The following PTPRJ variants were observed in gnomAD, a reference collection of about 807,000 sequenced individuals.
PTPRJ encodes receptor-type tyrosine-protein phosphatase eta.
A neutral mutation model predicts 141.3 loss-of-function variants in PTPRJ; 129 were observed. The ratio of observed to expected loss-of-function variants is 0.91; its 90% confidence interval spans 0.79 to 1.06. The LOEUF (loss-of-function observed/expected upper bound fraction) is 1.06. PTPRJ is among the 50% of genes least tolerant of loss of function. The probability of loss-of-function intolerance (pLI) is 0.00; values close to 1 mark genes in which losing one functional copy is unlikely to be tolerated. For missense variants in PTPRJ, 1,601 were observed against 1,679.7 expected (o/e 0.95, Z 0.82); for synonymous variants, 610 against 640.5 (o/e 0.95, Z 0.72).
intron 1 of PTPRJ, among the ~76,000 whole-genome samples, chr11:47,983,661 T>C (rs975385729): frequency 5.3e-5 from 8 of 152,246 alleles, no homozygotes; most frequent in African/African-American, 1.4e-4. Flanking sequence ...CCCATTCTCA[T>C]AGCAGTTTTG....
In PTPRJ at chr11:48,088,760, C is replaced by G. The variant is rs139346888; in HGVS notation, c.97-21298C>G. 2.7e-3 allele frequency among the ~76,000 whole-genome samples: 406 copies of G among 152,152 alleles called. 1 individual carries two copies. The highest frequency in any genetic ancestry group is 9.2e-3 in the African/African-American group (380 of 41,502). Reference sequence around the variant, plus strand: ...TTCTGCAGGACGGATGAACTAGGTACCCAGGACAGGTCTGTTTGTGCACAA... The same window carrying G: ...TTCTGCAGGACGGATGAACTAGGTAGCCAGGACAGGTCTGTTTGTGCACAA... On this transcript the variant is annotated intron_variant, in intron 1 of 24. Transcript: ENST00000418331.
intron 1 of PTPRJ, among the ~76,000 whole-genome samples, chr11:47,982,701 T>G (rs1163790855): frequency 6.6e-6 from 1 of 151,264 alleles, no homozygotes; most frequent in African/African-American, 2.4e-5. Context: ...TATATAAAAT[T>G]TATTTATTTT....
chr11:48,011,020 G>A (rs1854769726), intron 1 of PTPRJ, among the ~76,000 whole-genome samples: 1 of 152,042 alleles, frequency 6.6e-6, no homozygotes, highest in Non-Finnish European at 1.5e-5. Flanking sequence ...TGAGCAGGGT[G>A]GGTGCACTGT....
At position 48,123,610 on chromosome 11, in the gene PTPRJ, T is replaced by C. The variant is rs746102589; in HGVS notation, c.617-3T>C. ...ATTAATGCATGTTGTATTTTTAAAATAGAGCCGATCCCAGTTTCTGATCTC... is the reference window on the plus strand; with the variant it reads ...ATTAATGCATGTTGTATTTTTAAAACAGAGCCGATCCCAGTTTCTGATCTC... On this transcript the variant is annotated splice_polypyrimidine_tract_variant and splice_region_variant and intron_variant, in intron 4 of 24. Transcript: ENST00000418331. 1.6e-5 allele frequency: 26 copies of C among 1,611,262 alleles called. No homozygotes were observed. Among genetic ancestry groups the C allele is most frequent in the Middle Eastern group, 1.8e-4 (1 of 5,696 alleles).
intron 8 of PTPRJ, among the ~76,000 whole-genome samples, chr11:48,135,812 G>A (rs1857088173): frequency 6.6e-6 from 1 of 152,166 alleles, no homozygotes; most frequent in Admixed American, 6.5e-5. Context: ...ACAAAAAACT[G>A]GAGAACTGGT....
intron 10 of PTPRJ, among the ~76,000 whole-genome samples, chr11:48,139,214 A>C (rs1045480449): frequency 3.9e-5 from 6 of 152,136 alleles, no homozygotes; most frequent in South Asian, 4.1e-4. Flanking sequence ...GCTGACTCTC[A>C]TGGAGCCCTG....
intron 8 of PTPRJ, among the ~76,000 whole-genome samples, chr11:48,134,227 T>C (rs1488591032): frequency 3.9e-5 from 6 of 152,256 alleles, no homozygotes; most frequent in African/African-American, 1.4e-4. Flanking sequence ...ACTGTAATTA[T>C]TATACAAATA....
chr11:48,077,631 A>G (rs1401717726), intron 1 of PTPRJ, among the ~76,000 whole-genome samples: 1 of 151,876 alleles, frequency 6.6e-6, no homozygotes, highest in Non-Finnish European at 1.5e-5. Flanking sequence ...CTGCCCACTC[A>G]TTCACCCTCG....
intron 9 of PTPRJ, 82 bp downstream of exon 9, chr11:48,136,378 G>T: frequency 6.6e-7 from 1 of 1,505,312 alleles, no homozygotes. Flanking sequence ...GATGGCCAGT[G>T]TGCTTCTGGG....
chr11:48,079,746 G>A (rs1855511772), intron 1 of PTPRJ, among the ~76,000 whole-genome samples: 1 of 152,142 alleles, frequency 6.6e-6, no homozygotes, highest in African/African-American at 2.4e-5. Context: ...GCTGTGTTCA[G>A]GCTTTCCCCC....
At chr11:48,065,004 C>CT (rs61139660) in intron 1 of PTPRJ, among the ~76,000 whole-genome samples, 1,966 of 117,174 alleles carry the variant, frequency 0.017, 182 homozygotes, top group African/African-American at 0.037. Flanking sequence ...CCTCAACTAC[C>CT]TTTTTTTTTT....
At chr11:48,163,013 A>T (rs148696590) in intron 22 of PTPRJ, among the ~76,000 whole-genome samples, 2 of 152,246 alleles carry the variant, frequency 1.3e-5, no homozygotes, top group African/African-American at 4.8e-5. Context: ...ATCATGGTGT[A>T]TTTGAGTAAA....
At chr11:48,153,114 C>T (rs11039547) in intron 18 of PTPRJ, among the ~76,000 whole-genome samples, 2,176 of 152,144 alleles carry the variant, frequency 0.014, 58 homozygotes, top group African/African-American at 0.049. Context: ...CAAATATTGC[C>T]GGGGAAGAAA....
At chr11:48,025,875 G>A (rs1853794390) in intron 1 of PTPRJ, among the ~76,000 whole-genome samples, 1 of 152,158 alleles carries the variant, frequency 6.6e-6, no homozygotes, top group South Asian at 2.1e-4. Flanking sequence ...ACAGCCGGGT[G>A]TTCCCAAGAC....
In PTPRJ at chr11:48,139,505, C is replaced by T; in HGVS notation, c.2172C>T (p.Ser724=). 6.2e-7 allele frequency: 1 copy of T among 1,614,030 alleles called. No homozygotes were observed. Among genetic ancestry groups the T allele is most frequent in the Non-Finnish European group, 8.5e-7 (1 of 1,179,842 alleles). The stretch of plus-strand genomic sequence containing the variant: ...TTGCAGATCCTGCGTCCATGGCCTC[C>T]TTCGACTGCGAAGTGGTCCCCAAAG... ...SFCTDPASMA[S]FDCEVVPKEP... is the part of the protein sequence containing the mutation. The change falls in exon 11 of 25, where the codon TCC becomes TCT. Residue 724 remains serine (S), a synonymous_variant. Coordinates refer to ENST00000418331, the MANE Select transcript of PTPRJ (RefSeq NM_002843.4).
At chr11:48,058,325 C>T (rs1854816486) in intron 1 of PTPRJ, among the ~76,000 whole-genome samples, 1 of 152,146 alleles carries the variant, frequency 6.6e-6, no homozygotes, top group Non-Finnish European at 1.5e-5. Flanking sequence ...CTGCCTCCAC[C>T]TCCTGAATAG....
chr11:48,129,521 A>C (rs1473395881), intron 7 of PTPRJ, among the ~76,000 whole-genome samples: 1 of 152,110 alleles, frequency 6.6e-6, no homozygotes, highest in African/African-American at 2.4e-5. Context: ...CCACATTCTG[A>C]GGTCTTGGGG....
intron 1 of PTPRJ, among the ~76,000 whole-genome samples, chr11:47,983,516 C>T (rs941777506): frequency 6.6e-6 from 1 of 152,206 alleles, no homozygotes; most frequent in Admixed American, 6.5e-5. Context: ...AGCTGAGATG[C>T]CGGAAGGCTC....
At chr11:48,037,324 G>A (rs1854151966) in intron 1 of PTPRJ, among the ~76,000 whole-genome samples, 1 of 152,060 alleles carries the variant, frequency 6.6e-6, no homozygotes. Flanking sequence ...GGTGGGTGGG[G>A]GGTGGTCCTT....
Sources: gnomAD v4.1 joint callset for allele counts (sites outside exome capture counted in the v4.1 genomes callset) on GRCh38, gnomAD v4.1.1 for gene constraint, MANE v1.5 for transcripts, NCBI Gene and HGNC (gene_info 2026-07-23, HGNC 2026-07-21) for gene names.